Variants in NELL2 observed in about 807,000 individuals in gnomAD.
NELL2 encodes protein kinase C-binding protein NELL2.
Under a neutral mutation model 109.6 loss-of-function variants are expected in NELL2, and 41 were observed. That is an observed-to-expected ratio of 0.37 (90% CI 0.29 to 0.49). The LOEUF (loss-of-function observed/expected upper bound fraction) is 0.49. NELL2 is among the 20% of genes least tolerant of loss of function. The probability of loss-of-function intolerance (pLI) is 0.98; values close to 1 mark genes in which losing one functional copy is unlikely to be tolerated. For synonymous variants in NELL2, 355 were observed against 344.7 expected, an observed-to-expected ratio of 1.03 and a Z score of -0.33; for missense variants, 900 against 1,008.3, an observed-to-expected ratio of 0.89 and a Z score of 1.45.
chr12:44,863,064 A>G (rs1381179562), intron 2 of NELL2, among the ~76,000 whole-genome samples: 1 of 152,102 alleles, frequency 6.6e-6, no homozygotes, highest in Non-Finnish European at 1.5e-5. Flanking sequence ...ATCTACATTA[A>G]GTATTTCTCC....
chr12:44,866,629 T>A (rs1048139910), intron 2 of NELL2, among the ~76,000 whole-genome samples: 1 of 150,642 alleles, frequency 6.6e-6, no homozygotes, highest in African/African-American at 2.4e-5. Flanking sequence ...ATAATAAAGA[T>A]CAGAGCAGAA....
At chr12:44,737,924 C>T (rs1939738140) in intron 9 of NELL2, among the ~76,000 whole-genome samples, 2 of 151,436 alleles carry the variant, frequency 1.3e-5, no homozygotes, top group Non-Finnish European at 2.9e-5. Context: ...TACAGATTAA[C>T]AAGGTAAAAA....
At chr12:44,529,152 A>C (rs550983716) in intron 16 of NELL2, among the ~76,000 whole-genome samples, 1 of 152,306 alleles carries the variant, frequency 6.6e-6, no homozygotes, top group Non-Finnish European at 1.5e-5. Context: ...GGAAGCTGCT[A>C]TAGTGGTTCA....
At chr12:44,810,956 A>T (rs1384756765) in intron 3 of NELL2, among the ~76,000 whole-genome samples, 43 of 152,180 alleles carry the variant, frequency 2.8e-4, no homozygotes, top group Non-Finnish European at 6.3e-4. Context: ...AAACATGTAT[A>T]CACATAAAAT....
At chr12:44,917,770 G>A (rs934161733), upstream of NELL2, among the ~76,000 whole-genome samples, 1 of 152,194 alleles carries the variant, frequency 6.6e-6, no homozygotes, top group Non-Finnish European at 1.5e-5. Context: ...AAGAGAGACT[G>A]TCCTGTGGGC....
At chr12:44,899,363 G>A (rs1945632903) in intron 1 of NELL2, among the ~76,000 whole-genome samples, 1 of 152,162 alleles carries the variant, frequency 6.6e-6, no homozygotes. Context: ...CAGCCAAACA[G>A]AAACATCAGG....
intron 15 of NELL2, among the ~76,000 whole-genome samples, chr12:44,583,799 G>A (rs1244207708): frequency 1.3e-5 from 2 of 152,128 alleles, no homozygotes; most frequent in African/African-American, 2.4e-5. Context: ...TTGAGACTGG[G>A]TCTGGCTCTA....
intron 13 of NELL2, among the ~76,000 whole-genome samples, chr12:44,631,763 T>A (rs1946464256): frequency 6.6e-6 from 1 of 152,108 alleles, no homozygotes; most frequent in Non-Finnish European, 1.5e-5. Flanking sequence ...AAGCATATAA[T>A]GAATATCAAT....
Position 44,685,249 on chromosome 12 carries a change from T to C in NELL2, c.1318+18477A>G, listed in dbSNP as rs1213777975. On this transcript the variant is annotated intron_variant, in intron 12 of 19. Transcript: ENST00000429094. The stretch of plus-strand genomic sequence containing the variant: ...CTAGGATTGCAACCCCTGCCTTTTT[T>C]TGTTTTCCATTTGCTTGGTAGATCT... 3.3e-5 allele frequency among the ~76,000 whole-genome samples: 5 copies of C among 152,068 alleles called. No homozygotes were observed. In the East Asian group the frequency reaches 9.6e-4, roughly 29 times the overall value.
At chr12:44,515,075 G>T (rs1284155281) in intron 19 of NELL2, among the ~76,000 whole-genome samples, 1 of 151,622 alleles carries the variant, frequency 6.6e-6, no homozygotes, top group African/African-American at 2.4e-5. Flanking sequence ...TGGATAAACA[G>T]GTGTATAAAA....
intron 2 of NELL2, among the ~76,000 whole-genome samples, chr12:44,862,409 G>A (rs1198363193): frequency 6.8e-6 from 1 of 147,666 alleles, no homozygotes; most frequent in Non-Finnish European, 1.5e-5. Flanking sequence ...ATGTAGCATT[G>A]CCATGCAGAT....
intron 1 of NELL2, among the ~76,000 whole-genome samples, chr12:44,900,525 C>T (rs1480739764): frequency 6.6e-5 from 10 of 151,908 alleles, no homozygotes; most frequent in African/African-American, 2.2e-4. Flanking sequence ...GGTTAAATAA[C>T]AAAATTAAGG....
At chr12:44,558,653 TG>T (rs1943347213) in intron 15 of NELL2, among the ~76,000 whole-genome samples, 1 of 152,208 alleles carries the variant, frequency 6.6e-6, no homozygotes, top group Non-Finnish European at 1.5e-5. Flanking sequence ...CCAGATACTA[TG>T]CTTTTCCCAT....
At chr12:44,732,121 CATT>C (rs1377115588) in intron 9 of NELL2, among the ~76,000 whole-genome samples, 2 of 151,906 alleles carry the variant, frequency 1.3e-5, no homozygotes, top group Admixed American at 1.3e-4. Flanking sequence ...GGTTGGAAGA[CATT>C]GTTAAAATAT....
chr12:44,901,474 A>T (rs1238188607), intron 1 of NELL2, among the ~76,000 whole-genome samples: 6 of 152,178 alleles, frequency 3.9e-5, no homozygotes, highest in African/African-American at 1.4e-4. Context: ...AGAGGTACAA[A>T]AAGGAGCTGG....
At chr12:44,777,363 A>T in intron 5 of NELL2, 49 bp from the exon 6 acceptor site, 2 of 1,401,332 alleles carry the variant, frequency 1.4e-6, no homozygotes, top group Non-Finnish European at 1.0e-6. Flanking sequence ...CATTTACCCA[A>T]ATTATGTTCA....
chr12:44,886,989 A>G (rs1945480684), intron 1 of NELL2, among the ~76,000 whole-genome samples: 1 of 152,064 alleles, frequency 6.6e-6, no homozygotes, highest in Admixed American at 6.5e-5. Flanking sequence ...GCATGTGTAC[A>G]TATACTACCT....
intron 9 of NELL2, among the ~76,000 whole-genome samples, chr12:44,729,740 G>A (rs138795093): frequency 0.021 from 3,161 of 150,996 alleles, 106 homozygotes; most frequent in African/African-American, 0.07. Context: ...ACAGGCATGC[G>A]CCTGTACTAG....
intron 12 of NELL2, among the ~76,000 whole-genome samples, chr12:44,679,937 G>A (rs747057006): frequency 4.0e-4 from 61 of 152,154 alleles, no homozygotes; most frequent in Non-Finnish European, 7.8e-4. Context: ...TAGTTAGTAG[G>A]TATCTTGGCT....
Sources: allele counts gnomAD v4.1 joint callset (sites outside exome capture counted in the v4.1 genomes callset), GRCh38; gene constraint gnomAD v4.1.1; transcripts MANE v1.5; gene names NCBI Gene and HGNC (gene_info 2026-07-23, HGNC 2026-07-21).